Variants in LRP1B observed in about 807,000 individuals in gnomAD.
The protein encoded by LRP1B is low-density lipoprotein receptor-related protein 1B.
LRP1B carries 217 observed loss-of-function variants against 556.6 expected under a neutral mutation model. The ratio of observed to expected loss-of-function variants is 0.39; its 90% CI spans 0.35 to 0.44. The LOEUF (loss-of-function observed/expected upper bound fraction) is 0.44, where lower values mean the gene tolerates loss of function less well. Ranked by LOEUF, LRP1B falls within the 20% of genes least tolerant of loss-of-function variation. The probability of loss-of-function intolerance (pLI) is 1.00; values close to 1 mark genes in which losing one functional copy is unlikely to be tolerated. For synonymous variants in LRP1B, 2,047 were observed against 1,865.8 expected (o/e 1.10, Z -2.50); for missense variants, 5,053 against 5,620.8 (o/e 0.90, Z 3.23).
Position 141,956,243 on chromosome 2 carries a change from A to T in LRP1B, c.83-145842T>A, listed in dbSNP as rs1427825259. On this transcript the variant is annotated intron_variant, in intron 1 of 90. Transcript: ENST00000389484. ...AGTATGAATGAATTCCGACAGCTTT[A>T]TATTCTCTCTAATGATGGTATGATC... Among the ~76,000 whole-genome samples the T allele has an allele frequency of 2.6e-5, 4 of 152,080 alleles. No homozygotes were observed. In the East Asian group the frequency reaches 7.7e-4, roughly 29 times the overall value.
At chr2:140,240,784 A>T (rs563283275) in intron 87 of LRP1B, among the ~76,000 whole-genome samples, 172 of 151,032 alleles carry the variant, frequency 1.1e-3, no homozygotes, top group African/African-American at 3.8e-3. Context: ...AAAATTCTGA[A>T]AGTCTATGAA....
At chr2:140,944,287 A>T (rs1444566242) in intron 20 of LRP1B, among the ~76,000 whole-genome samples, 3 of 152,172 alleles carry the variant, frequency 2.0e-5, no homozygotes, top group Middle Eastern at 3.4e-3. Context: ...ATACCTTACC[A>T]GGCAAAAGAG....
intron 7 of LRP1B, among the ~76,000 whole-genome samples, chr2:141,184,308 T>C (rs1681141114): frequency 6.6e-6 from 1 of 152,128 alleles, no homozygotes; most frequent in Admixed American, 6.6e-5. Flanking sequence ...TAACCCAAAA[T>C]CTGGCACCTT....
chr2:141,471,276 T>TGTTTG lies in LRP1B; in HGVS notation c.343+9119_343+9120insCAAAC, dbSNP rs1553518984. Among the ~76,000 whole-genome samples, 6 of 44,342 alleles carry TGTTTG rather than the reference T, an allele frequency of 1.4e-4. No individual in the cohort carries two copies. The Admixed American group carries it at 1.5e-3, about 11-fold the overall frequency. 29.1% of individuals were successfully genotyped at this position (44,342 alleles called of 152,430 possible). On this transcript the variant is annotated intron_variant, in intron 3 of 90. Coordinates refer to ENST00000389484, the MANE Select transcript of LRP1B (RefSeq NM_018557.3). ...TGAGAATATACCCTGGTATTTTTTT[T>TGTTTG]TTTTTTTTTTTTTTTTTTACTCTCT...
At chr2:141,538,270 G>A (rs1199783202) in intron 2 of LRP1B, among the ~76,000 whole-genome samples, 1 of 152,032 alleles carries the variant, frequency 6.6e-6, no homozygotes, top group East Asian at 1.9e-4. Flanking sequence ...AGGAGAAAAT[G>A]TATGATATAA....
At chr2:142,112,789 G>A (rs1195946385) in intron 1 of LRP1B, among the ~76,000 whole-genome samples, 2 of 152,088 alleles carry the variant, frequency 1.3e-5, no homozygotes, top group Non-Finnish European at 2.9e-5. Flanking sequence ...TACTCAAATA[G>A]ATTGAGGCAT....
chr2:140,570,818 C>A (rs992401990), intron 43 of LRP1B, among the ~76,000 whole-genome samples: 2 of 151,862 alleles, frequency 1.3e-5, no homozygotes, highest in East Asian at 3.9e-4. Flanking sequence ...AGATCATTCA[C>A]CACGATCAAG....
chr2:141,555,546 C>A (rs113469703), intron 2 of LRP1B, among the ~76,000 whole-genome samples: 3 of 151,824 alleles, frequency 2.0e-5, no homozygotes, highest in Non-Finnish European at 4.4e-5. Context: ...AAATACTATA[C>A]GTTTGGCTAA....
At chr2:140,536,081 G>A (rs1690951226) in intron 46 of LRP1B, among the ~76,000 whole-genome samples, 1 of 151,962 alleles carries the variant, frequency 6.6e-6, no homozygotes, top group Non-Finnish European at 1.5e-5. Flanking sequence ...TTTAAAGAAA[G>A]TAAGCCTAAA....
At chr2:140,305,967 G>A (rs570998594) in intron 83 of LRP1B, among the ~76,000 whole-genome samples, 344 of 151,330 alleles carry the variant, frequency 2.3e-3, no homozygotes, top group Non-Finnish European at 4.3e-3. Context: ...ATTGATTTGC[G>A]TATGTTAAAC....
At chr2:141,390,919 C>A (rs1690026589) in intron 3 of LRP1B, among the ~76,000 whole-genome samples, 1 of 151,820 alleles carries the variant, frequency 6.6e-6, no homozygotes, top group Non-Finnish European at 1.5e-5. Flanking sequence ...TAAATTCTCT[C>A]ACAATTAAAA....
chr2:141,780,354 G>A, intron 2 of LRP1B, among the ~76,000 whole-genome samples: 1 of 151,870 alleles, frequency 6.6e-6, no homozygotes, highest in East Asian at 1.9e-4. Context: ...AAATGTTTTT[G>A]GATGGGTGGG....
intron 1 of LRP1B, among the ~76,000 whole-genome samples, chr2:142,029,380 C>T (rs978553393): frequency 3.9e-5 from 6 of 152,024 alleles, no homozygotes; most frequent in African/African-American, 1.4e-4. Flanking sequence ...TCAATACATA[C>T]ATGTCTAACT....
chr2:141,861,235 G>A (rs1698229338), intron 1 of LRP1B, among the ~76,000 whole-genome samples: 1 of 151,966 alleles, frequency 6.6e-6, no homozygotes, highest in South Asian at 2.1e-4. Context: ...CTTCACAAAT[G>A]TCCCCTCAAT....
intron 41 of LRP1B, chr2:140,683,545 C>A: frequency 1.6e-6 from 1 of 640,684 alleles, no homozygotes; most frequent in South Asian, 1.5e-5. Context: ...TTTCCTTGAT[C>A]TGCTTTCAAC....
chr2:140,641,694 C>T (rs1484102056), intron 41 of LRP1B, among the ~76,000 whole-genome samples: 1 of 152,158 alleles, frequency 6.6e-6, no homozygotes, highest in South Asian at 2.1e-4. Flanking sequence ...TGAGGTGAGG[C>T]ATAAAATATT....
intron 1 of LRP1B, among the ~76,000 whole-genome samples, chr2:141,984,763 T>C (rs1356716755): frequency 6.6e-6 from 1 of 152,096 alleles, no homozygotes; most frequent in East Asian, 1.9e-4. Context: ...CTAATACACT[T>C]TACCCAAGAA....
intron 32 of LRP1B, among the ~76,000 whole-genome samples, chr2:140,794,717 G>A (rs1026807160): frequency 4.0e-5 from 6 of 151,666 alleles, no homozygotes; most frequent in Non-Finnish European, 5.9e-5. Context: ...GGGTTCAAGC[G>A]CTTCTCCTGC....
intron 66 of LRP1B, among the ~76,000 whole-genome samples, chr2:140,428,552 G>A (rs563742262): frequency 9.9e-5 from 15 of 152,234 alleles, no homozygotes; most frequent in Admixed American, 2.6e-4. Flanking sequence ...AGAGGCCCTG[G>A]AACTCTGGCC....
Sources: allele counts gnomAD v4.1 joint callset (sites outside exome capture counted in the v4.1 genomes callset), GRCh38; gene constraint gnomAD v4.1.1; transcripts MANE v1.5; gene names NCBI Gene and HGNC (gene_info 2026-07-23, HGNC 2026-07-21).